GSE1: variants seen among roughly 807,000 people sequenced by gnomAD.
GSE1 encodes the protein Gse1 coiled-coil protein, also known as genetic suppressor element 1.
GSE1 carries 32 observed loss-of-function variants against 112.6 expected under a neutral mutation model. The ratio of observed to expected loss-of-function variants is 0.28; its 90% CI spans 0.21 to 0.38. GSE1 has a LOEUF of 0.38. GSE1 is among the 10% of genes least tolerant of loss of function. The pLI is 1.00. For missense variants in GSE1, 2,348 were observed against 1,699.2 expected (o/e 1.38, Z -6.71); for synonymous variants, 1,115 against 735.6 (o/e 1.52, Z -8.35).
intron 2 of GSE1, among the ~76,000 whole-genome samples, chr16:85,436,783 G>C (rs1325802290): frequency 6.6e-6 from 1 of 152,246 alleles, no homozygotes; most frequent in Non-Finnish European, 1.5e-5. Flanking sequence ...GTTCCGGGCT[G>C]GGACCCCACG....
chr16:85,636,393 C>T (rs532552169), intron 2 of GSE1, among the ~76,000 whole-genome samples: 4 of 152,168 alleles, frequency 2.6e-5, no homozygotes, highest in Admixed American at 1.3e-4. Context: ...GGGCCCTCGT[C>T]GCCCCCACCC....
intron 2 of GSE1, among the ~76,000 whole-genome samples, chr16:85,418,102 A>G (rs1054941844): frequency 1.3e-5 from 2 of 152,206 alleles, no homozygotes; most frequent in African/African-American, 4.8e-5. Flanking sequence ...CTCCCAAAGT[A>G]CTGGGATTAC....
chr16:85,652,428 A>C (rs566724599), intron 3 of GSE1, among the ~76,000 whole-genome samples: 5 of 152,280 alleles, frequency 3.3e-5, no homozygotes, highest in African/African-American at 1.2e-4. Flanking sequence ...CACCCTCGAG[A>C]CCAGCACCCT....
chr16:85,270,427 T>A (rs1908716110), intron 1 of GSE1, among the ~76,000 whole-genome samples: 1 of 148,902 alleles, frequency 6.7e-6, no homozygotes, highest in South Asian at 2.1e-4. Context: ...CTTGGGTGAC[T>A]CTCCGAGGAC....
At position 85,618,587 on chromosome 16, in the gene GSE1, T is replaced by G. The variant is rs578192558; in HGVS notation, c.7+5189T>G. Among the ~76,000 whole-genome samples the G allele has an allele frequency of 1.2e-4, 19 of 152,378 alleles. No individual in the cohort carries two copies. In the South Asian group the frequency reaches 3.9e-3, roughly 32 times the overall value. On this transcript the variant is annotated intron_variant, in intron 1 of 15. Transcript: ENST00000253458. ...CCTGTATCCTGAGGCTGTTGAGGGT[T>G]AAAGCCTTTATTACCAAGTGCCCAG...
intron 2 of GSE1, among the ~76,000 whole-genome samples, chr16:85,414,691 A>G (rs921634196): frequency 1.3e-5 from 2 of 152,156 alleles, no homozygotes; most frequent in African/African-American, 2.4e-5. Flanking sequence ...CTGCAGTGCA[A>G]TGTTGCGATC....
rs903967424 is a variant in GSE1, at chr16:85,646,051, A to C, written c.227-2501A>C. 1.5e-4 allele frequency among the ~76,000 whole-genome samples: 21 copies of C among 137,104 alleles called. 1 individual carries two copies. The highest frequency in any genetic ancestry group is 4.0e-3 in the Middle Eastern group (1 of 252). The allele number at this position is 137,104 out of a possible 152,430, so 89.9% of individuals were successfully genotyped here. A position where few individuals can be genotyped will look rare whatever the true frequency, so the allele number is the denominator to read the frequency against. ...CTATGCATGCATTCTACCTGCTTCT[A>C]CCACGCTTCCTATGCATGCATTCTA... is the stretch of plus-strand genomic sequence containing the variant. On this transcript the variant is annotated intron_variant, in intron 2 of 15. Coordinates refer to ENST00000253458, the MANE Select transcript of GSE1 (RefSeq NM_014615.5).
intron 2 of GSE1, among the ~76,000 whole-genome samples, chr16:85,498,649 A>G (rs1384919498): frequency 2.6e-5 from 4 of 152,178 alleles, no homozygotes; most frequent in Admixed American, 6.5e-5. Context: ...TACAACCTAG[A>G]CACCCCCCAC....
At chr16:85,529,123 G>A (rs535404311) in intron 2 of GSE1, among the ~76,000 whole-genome samples, 6 of 152,282 alleles carry the variant, frequency 3.9e-5, no homozygotes, top group Admixed American at 3.9e-4. Context: ...GTCCAGGGGG[G>A]TCGGACCGGG....
intron 2 of GSE1, among the ~76,000 whole-genome samples, chr16:85,428,482 T>C (rs8051098): frequency 0.75 from 113,665 of 151,904 alleles, 43,722 homozygotes; most frequent in Non-Finnish European, 0.84. Flanking sequence ...GGGGCGATAA[T>C]CGCCCCTGCC....
chr16:85,420,465 G>C (rs2048810987), intron 2 of GSE1, among the ~76,000 whole-genome samples: 1 of 152,064 alleles, frequency 6.6e-6, no homozygotes, highest in South Asian at 2.1e-4. Flanking sequence ...CCATCGCCAT[G>C]TCTCCTCGGA....
intron 11 of GSE1, 91 bp downstream of exon 11, chr16:85,663,705 G>C: frequency 7.7e-7 from 1 of 1,298,968 alleles, no homozygotes; most frequent in Non-Finnish European, 1.1e-6. Context: ...CTCCAGGCAG[G>C]ATCTGCGATC....
intron 1 of GSE1, chr16:85,171,927 G>C (rs889235021): frequency 8.1e-6 from 4 of 491,392 alleles, no homozygotes; most frequent in Admixed American, 6.4e-5. Context: ...GTTCTGTGCG[G>C]GGTGTTCCGG....
chr16:85,658,398 C>T (rs1467003036), intron 8 of GSE1, among the ~76,000 whole-genome samples: 2 of 152,254 alleles, frequency 1.3e-5, no homozygotes, highest in African/African-American at 4.8e-5. Context: ...CTTTCCTCAA[C>T]TGTCCACAAA....
chr16:85,558,091 G>A (rs1211607144), intron 1 of GSE1, among the ~76,000 whole-genome samples: 7 of 152,296 alleles, frequency 4.6e-5, no homozygotes, highest in Middle Eastern at 3.4e-3. Context: ...TAAAATAAAG[G>A]TTGTAAGGGG....
At chr16:85,408,503 C>T (rs1311425051) in intron 2 of GSE1, among the ~76,000 whole-genome samples, 1 of 53,404 alleles carries the variant, frequency 1.9e-5, no homozygotes, top group Non-Finnish European at 3.7e-5. Context: ...GGATAATCCT[C>T]ACTGTTACAC....
Position 85,674,224 on chromosome 16 carries a change from C to T in GSE1, c.*1685C>T, listed in dbSNP as rs1176166635. ...AGCAGCCGAGCCCTTGGCCCTAGCC[C>T]TTGCTGCGCAGAACAGCTTGCTGGC... is the stretch of plus-strand genomic sequence containing the variant. On this transcript the variant is annotated 3_prime_UTR_variant, in exon 16 of 16. Transcript: ENST00000253458. 2 of 152,350 alleles carry T rather than the reference C, an allele frequency of 1.3e-5. No homozygotes were observed. Among genetic ancestry groups the T allele is most frequent in the East Asian group, 3.8e-4 (2 of 5,198 alleles). The allele number at this position is 152,350 out of a possible 1,614,324, so 9.4% of individuals were successfully genotyped here.
At chr16:85,400,669 G>A (rs570299552) in intron 2 of GSE1, among the ~76,000 whole-genome samples, 7 of 151,414 alleles carry the variant, frequency 4.6e-5, no homozygotes, top group African/African-American at 9.7e-5. Context: ...TGTATGTTGC[G>A]TGTGTCTCTG....
At chr16:85,206,767 G>A (rs1364758000) in intron 1 of GSE1, among the ~76,000 whole-genome samples, 2 of 150,266 alleles carry the variant, frequency 1.3e-5, no homozygotes, top group East Asian at 1.9e-4. Context: ...CTTCTAGGCC[G>A]CCAGGATGGA....
Sources: allele counts gnomAD v4.1 joint callset (sites outside exome capture counted in the v4.1 genomes callset), GRCh38; gene constraint gnomAD v4.1.1; transcripts MANE v1.5; gene names NCBI Gene and HGNC (gene_info 2026-07-23, HGNC 2026-07-21).